The following TUBGCP3 variants were observed in gnomAD, a reference collection of about 807,000 sequenced individuals.
TUBGCP3 encodes tubulin gamma complex component 3.
A neutral mutation model predicts 123.1 loss-of-function variants in TUBGCP3; 50 were observed. The ratio of observed to expected loss-of-function variants is 0.41; its 90% confidence interval spans 0.32 to 0.51. TUBGCP3 has a LOEUF of 0.51. Among genes scored for constraint, TUBGCP3 ranks in the 20% least tolerant of loss-of-function variants. The probability of loss-of-function intolerance (pLI) is 0.36; values close to 1 mark genes in which losing one functional copy is unlikely to be tolerated. For synonymous variants in TUBGCP3, 405 were observed against 413.9 expected (o/e 0.98, Z 0.26); for missense variants, 882 against 1,127.0 (o/e 0.78, Z 3.11).
At chr13:112,490,815 G>A (rs541242864) in intron 20 of TUBGCP3, among the ~76,000 whole-genome samples, 15 of 152,296 alleles carry the variant, frequency 9.8e-5, no homozygotes, top group African/African-American at 2.2e-4. Flanking sequence ...CCATCGGTGC[G>A]TTTGGGAGTC....
chr13:112,578,032 T>C (rs1179266342), intron 1 of TUBGCP3, among the ~76,000 whole-genome samples: 1 of 152,090 alleles, frequency 6.6e-6, no homozygotes, highest in Non-Finnish European at 1.5e-5. Context: ...CTGACTAACG[T>C]AAAAGAGTCT....
At chr13:112,574,802 G>A (rs1396355139) in intron 1 of TUBGCP3, among the ~76,000 whole-genome samples, 2 of 152,136 alleles carry the variant, frequency 1.3e-5, no homozygotes, top group Non-Finnish European at 2.9e-5. Flanking sequence ...CCCCATTTTT[G>A]CTTTTTGATA....
Position 112,565,261 on chromosome 13 carries a change from T to C in TUBGCP3, c.185-83A>G, listed in dbSNP as rs529600725. 1.8e-4 allele frequency: 221 copies of C among 1,205,414 alleles called. 3 individuals are homozygous for C. The African/African-American group carries it at 2.9e-3, about 16-fold the overall frequency. 74.7% of individuals were successfully genotyped at this position (1,205,414 alleles called of 1,614,324 possible). On this transcript the variant is annotated intron_variant, in intron 2 of 21. Transcript: ENST00000261965. ...TGATACTATTTCACCTACAACACCATAACTCGCAAGTGATGAATTCAGAGT... is the reference window on the plus strand; with the variant it reads ...TGATACTATTTCACCTACAACACCACAACTCGCAAGTGATGAATTCAGAGT...
intron 19 of TUBGCP3, 82 bp from the exon 20 acceptor site, chr13:112,499,267 A>T: frequency 6.8e-7 from 1 of 1,475,560 alleles, no homozygotes. Context: ...TAGTGAAAAG[A>T]TATTAGAAAA....
At chr13:112,562,688 C>T (rs1277071730) in intron 3 of TUBGCP3, among the ~76,000 whole-genome samples, 2 of 152,200 alleles carry the variant, frequency 1.3e-5, no homozygotes, top group African/African-American at 4.8e-5. Context: ...TCTGGCAGTA[C>T]AGATGCTTTT....
At position 112,511,253 on chromosome 13, in the gene TUBGCP3, C is replaced by T. The variant is rs137928799; in HGVS notation, c.2086+5187G>A. ...GCTCAGATGGGCCCCTCACAGGGCA[C>T]TGCTGGCCCGCGGGCACCTGCCTTT... is the stretch of plus-strand genomic sequence containing the variant. On this transcript the variant is annotated intron_variant, in intron 17 of 21. Coordinates refer to ENST00000261965, the MANE Select transcript of TUBGCP3 (RefSeq NM_006322.6). The surrounding 1 kb of genome is among the most constrained non-coding windows in gnomAD (Gnocchi z 4.1). 5.8e-4 allele frequency among the ~76,000 whole-genome samples: 89 copies of T among 152,348 alleles called. No homozygotes were observed. Among genetic ancestry groups the T allele is most frequent in the African/African-American group, 2.1e-3 (87 of 41,574 alleles).
upstream of TUBGCP3, among the ~76,000 whole-genome samples, chr13:112,589,142 C>T (rs992153622): frequency 3.9e-5 from 6 of 152,214 alleles, no homozygotes; most frequent in Non-Finnish European, 5.9e-5. Flanking sequence ...GCCTTCGATA[C>T]GCATTCTGTG....
chr13:112,504,545 C>T (rs1881155007), intron 18 of TUBGCP3, 81 bp downstream of exon 18: 4 of 947,928 alleles, frequency 4.2e-6, no homozygotes, highest in Non-Finnish European at 6.2e-6. Context: ...CACATACATA[C>T]ACATATATAT....
rs761648496 is a variant in TUBGCP3 at position 112,545,633 on chromosome 13, G to T, written c.1335+66C>A. ...ACATGGTAATCATGAGGGGAAAAATGAAACAGCATAACTGCGTGCCCATGC... is the reference window on the plus strand; with the variant it reads ...ACATGGTAATCATGAGGGGAAAAATTAAACAGCATAACTGCGTGCCCATGC... On this transcript the variant is annotated intron_variant, in intron 11 of 21. Coordinates refer to ENST00000261965, the MANE Select transcript of TUBGCP3 (RefSeq NM_006322.6). This position sits in a 1 kb window ranked among gnomAD's most constrained non-coding sequence, Gnocchi z 4.1. 40 of 1,566,978 alleles carry T rather than the reference G, an allele frequency of 2.6e-5. No individual in the cohort carries two copies. Among genetic ancestry groups the T allele is most frequent in the Non-Finnish European group, 3.4e-5 (39 of 1,141,752 alleles).
At chr13:112,502,546 T>C (rs926410767) in intron 19 of TUBGCP3, among the ~76,000 whole-genome samples, 2 of 147,250 alleles carry the variant, frequency 1.4e-5, no homozygotes, top group African/African-American at 5.0e-5. Flanking sequence ...TTTCTTCTTT[T>C]TTTTTTTTTT....
At chr13:112,521,721 G>A in intron 14 of TUBGCP3, 1 of 985,452 alleles carries the variant, frequency 1.0e-6, no homozygotes. Flanking sequence ...ACACTTGGGT[G>A]AAAATCTCCA....
Position 112,519,190 on chromosome 13 carries a change from C to A in TUBGCP3, c.1882-147G>T. 1.5e-6 allele frequency: 1 copy of A among 667,828 alleles called. No homozygotes were observed. The highest frequency in any genetic ancestry group is 2.4e-5 in the Admixed American group (1 of 41,428). 41.4% of individuals were successfully genotyped at this position (667,828 alleles called of 1,614,324 possible). A position where few individuals can be genotyped will look rare whatever the true frequency, so the allele number is the denominator to read the frequency against. ...TGCATCTTCTTGTTAACTTCTACAA[C>A]CTCACCAATTAGGCAATAATGAGCA... On this transcript the variant is annotated intron_variant, in intron 15 of 21. Coordinates refer to ENST00000261965, the MANE Select transcript of TUBGCP3 (RefSeq NM_006322.6). This position sits in a 1 kb window ranked among gnomAD's most constrained non-coding sequence, Gnocchi z 6.2.
At chr13:112,592,169 A>G (rs1210568934), upstream of TUBGCP3, among the ~76,000 whole-genome samples, 1 of 152,234 alleles carries the variant, frequency 6.6e-6, no homozygotes, top group Non-Finnish European at 1.5e-5. This position sits in a 1 kb window ranked among gnomAD's most constrained non-coding sequence, Gnocchi z 4.1. Flanking sequence ...ATGCCTGGAC[A>G]TAGGATGGAA....
intron 1 of TUBGCP3, among the ~76,000 whole-genome samples, chr13:112,586,224 G>C (rs1038691249): frequency 2.6e-5 from 4 of 151,192 alleles, no homozygotes; most frequent in East Asian, 3.9e-4. Flanking sequence ...TGGGCGACCA[G>C]AGTGAGACTC....
the TUBGCP3 span, among the ~76,000 whole-genome samples, chr13:112,597,541 A>G: frequency 6.6e-6 from 1 of 152,232 alleles, no homozygotes; most frequent in Non-Finnish European, 1.5e-5. Context: ...TACAGGTGTT[A>G]CAGACAATGC....
At chr13:112,549,226 A>G (rs1323782309) in intron 8 of TUBGCP3, among the ~76,000 whole-genome samples, 2 of 152,104 alleles carry the variant, frequency 1.3e-5, no homozygotes, top group East Asian at 3.9e-4. Context: ...TGAGCAAACT[A>G]TCAGAAGGAC....
intron 14 of TUBGCP3, 95 bp downstream of exon 14, chr13:112,522,225 T>C (rs1179310374): frequency 1.8e-6 from 2 of 1,096,410 alleles, no homozygotes; most frequent in African/African-American, 1.6e-5. Context: ...AGAATTCAAC[T>C]CATTTTCTTT....
chr13:112,599,668 G>A, the TUBGCP3 span, among the ~76,000 whole-genome samples: 37 of 151,946 alleles, frequency 2.4e-4, no homozygotes, highest in African/African-American at 7.0e-4. Context: ...CACCAGGCCC[G>A]CCAAGTTATT....
At chr13:112,504,781 C>CT (rs1306677848) in intron 17 of TUBGCP3, 67 bp from the exon 18 acceptor site, 1 of 1,270,178 alleles carries the variant, frequency 7.9e-7, no homozygotes, top group Non-Finnish European at 1.1e-6. Flanking sequence ...GCTGTTCTCC[C>CT]TTACCCACCT....
Sources: allele counts gnomAD v4.1 joint callset (sites outside exome capture counted in the v4.1 genomes callset), GRCh38; gene constraint gnomAD v4.1.1; non-coding constraint Gnocchi (gnomAD v3.1); transcripts MANE v1.5; gene names NCBI Gene and HGNC (gene_info 2026-07-23, HGNC 2026-07-21).